The following PCDH7 variants were observed in gnomAD, a reference collection of about 807,000 sequenced individuals.
PCDH7 encodes the protein protocadherin-7.
A neutral mutation model predicts 58.9 loss-of-function variants in PCDH7; 17 were observed. The observed-to-expected ratio is 0.29, with a 90% CI of 0.20 to 0.43. The LOEUF (loss-of-function observed/expected upper bound fraction) is 0.43. Among genes scored for constraint, PCDH7 ranks in the 20% least tolerant of loss-of-function variants. The pLI, the probability that PCDH7 is intolerant of heterozygous loss-of-function variation, is 1.00. For missense variants in PCDH7, 1,274 were observed against 1,441.0 expected, an observed-to-expected ratio of 0.88 and a Z score of 1.88; for synonymous variants, 664 against 616.4, an observed-to-expected ratio of 1.08 and a Z score of -1.14.
chr4:30,860,657 C>A (rs554026087), intron 1 of PCDH7, among the ~76,000 whole-genome samples: 2 of 152,134 alleles, frequency 1.3e-5, no homozygotes, highest in Admixed American at 6.6e-5. Flanking sequence ...CGAAAAACAG[C>A]GTCATCTGCC....
intron 3 of PCDH7, among the ~76,000 whole-genome samples, chr4:31,068,312 A>T (rs1463850): frequency 0.12 from 18,125 of 151,824 alleles, 1,325 homozygotes; most frequent in East Asian, 0.25. Flanking sequence ...CTAAAAAAAA[A>T]AAAAGTCTTT....
At chr4:31,042,012 C>G (rs1449899756) in intron 3 of PCDH7, among the ~76,000 whole-genome samples, 1 of 152,026 alleles carries the variant, frequency 6.6e-6, no homozygotes, top group Non-Finnish European at 1.5e-5. Flanking sequence ...CATGTGAATC[C>G]AGGCAGCATT....
rs147732335 is a variant in PCDH7, at chr4:30,843,125, A to G, written c.71-77028A>G. 4.3e-3 allele frequency among the ~76,000 whole-genome samples: 649 copies of G among 150,382 alleles called. 8 individuals carry two copies. Among genetic ancestry groups the G allele is most frequent in the African/African-American group, 0.015 (617 of 40,814 alleles). ...ACAGTTTATAAGTGTCAGTTGAGCT[A>G]TATATTTTATCTTATTTCTACGAAT... On this transcript the variant is annotated intron_variant, in intron 1 of 3. Transcript: ENST00000509759.
chr4:31,056,860 A>G (rs1443056089), intron 3 of PCDH7, among the ~76,000 whole-genome samples: 2 of 152,162 alleles, frequency 1.3e-5, no homozygotes, highest in Non-Finnish European at 2.9e-5. Context: ...GATTACAGGC[A>G]TGAGCCACCA....
chr4:30,896,889 C>CCT (rs1739467133), intron 1 of PCDH7, among the ~76,000 whole-genome samples: 2 of 27,338 alleles, frequency 7.3e-5, no homozygotes, highest in East Asian at 2.8e-3. Flanking sequence ...TAGTTCTTTG[C>CCT]TTTTTTTTTT....
intron 1 of PCDH7, among the ~76,000 whole-genome samples, chr4:30,798,963 G>T (rs764213836): frequency 2.0e-5 from 3 of 152,142 alleles, no homozygotes; most frequent in Admixed American, 2.0e-4. Flanking sequence ...ACACAGTTCT[G>T]TAGTTTATAG....
chr4:30,861,073 G>A (rs1356178142), intron 1 of PCDH7, among the ~76,000 whole-genome samples: 1 of 152,212 alleles, frequency 6.6e-6, no homozygotes, highest in African/African-American at 2.4e-5. Flanking sequence ...AAGAAAAGAT[G>A]ATTGCAGAAG....
chr4:30,777,565 C>A (rs543868722), intron 1 of PCDH7, among the ~76,000 whole-genome samples: 6 of 152,202 alleles, frequency 3.9e-5, no homozygotes, highest in Non-Finnish European at 5.9e-5. Context: ...ATTCTATAAT[C>A]AGTGGGTTGA....
At chr4:30,891,773 G>GT (rs554698491) in intron 1 of PCDH7, among the ~76,000 whole-genome samples, 69,925 of 138,986 alleles carry the variant, frequency 0.5, 19,099 homozygotes, top group African/African-American at 0.78. Flanking sequence ...TTGTTTTTTT[G>GT]TTTTTTTTTT....
chr4:30,989,474 G>A (rs916290325), intron 3 of PCDH7, among the ~76,000 whole-genome samples: 2 of 152,120 alleles, frequency 1.3e-5, no homozygotes, highest in Admixed American at 1.3e-4. Flanking sequence ...TTGATGAAAT[G>A]TCTGTGTAGT....
At chr4:31,091,217 C>A (rs1713205888) in intron 3 of PCDH7, among the ~76,000 whole-genome samples, 1 of 151,910 alleles carries the variant, frequency 6.6e-6, no homozygotes, top group South Asian at 2.1e-4. Flanking sequence ...CTGATAGATG[C>A]ATCCAAACCT....
intron 3 of PCDH7, among the ~76,000 whole-genome samples, chr4:30,966,426 T>C (rs549521330): frequency 6.6e-6 from 1 of 152,294 alleles, no homozygotes; most frequent in East Asian, 1.9e-4. Flanking sequence ...GTGACAAGAT[T>C]TACTATCCAT....
intron 3 of PCDH7, among the ~76,000 whole-genome samples, chr4:30,969,084 A>G (rs942366702): frequency 1.3e-5 from 2 of 152,224 alleles, no homozygotes; most frequent in Non-Finnish European, 2.9e-5. Flanking sequence ...GCACTGCACC[A>G]GGAACAAAGA....
intron 1 of PCDH7, among the ~76,000 whole-genome samples, chr4:30,834,666 A>C (rs1346580728): frequency 2.7e-5 from 4 of 147,930 alleles, no homozygotes; most frequent in Admixed American, 6.8e-5. Context: ...GATGAAAGTA[A>C]AAAAAAAAAA....
intron 1 of PCDH7, among the ~76,000 whole-genome samples, chr4:30,900,371 A>AT (rs557426131): frequency 1.8e-4 from 28 of 152,190 alleles, no homozygotes; most frequent in Non-Finnish European, 3.4e-4. Flanking sequence ...TGAAGGAAGA[A>AT]TAGGTGGAGT....
At chr4:30,894,775 A>T (rs1739190606) in intron 1 of PCDH7, among the ~76,000 whole-genome samples, 2 of 150,738 alleles carry the variant, frequency 1.3e-5, no homozygotes, top group African/African-American at 4.9e-5. Flanking sequence ...AAAGATCAGG[A>T]ACCTGATTTT....
intron 3 of PCDH7, among the ~76,000 whole-genome samples, chr4:31,122,232 C>CT (rs1266096862): frequency 6.6e-6 from 1 of 152,100 alleles, no homozygotes; most frequent in Non-Finnish European, 1.5e-5. Context: ...CCCACGTGCT[C>CT]TTTGGAAGCC....
chr4:31,113,383 G>A (rs1716567371), intron 3 of PCDH7, among the ~76,000 whole-genome samples: 1 of 152,114 alleles, frequency 6.6e-6, no homozygotes, highest in African/African-American at 2.4e-5. Flanking sequence ...ATATTTTGCT[G>A]TATTTTAATT....
At chr4:30,967,975 A>G (rs953830704) in intron 3 of PCDH7, among the ~76,000 whole-genome samples, 12 of 152,110 alleles carry the variant, frequency 7.9e-5, no homozygotes, top group Non-Finnish European at 1.3e-4. Flanking sequence ...AAGCCTTGTG[A>G]GTAGAGGAAC....
Sources: allele counts gnomAD v4.1 joint callset (sites outside exome capture counted in the v4.1 genomes callset), GRCh38; gene constraint gnomAD v4.1.1; transcripts MANE v1.5; gene names NCBI Gene and HGNC (gene_info 2026-07-23, HGNC 2026-07-21).